The following RNF139 variants were observed in gnomAD, a reference collection of about 807,000 sequenced individuals.
RNF139 encodes E3 ubiquitin-protein ligase RNF139.
In RNF139, 15 loss-of-function variants were observed where a neutral mutation model predicts 49.5. The ratio of observed to expected loss-of-function variants is 0.30; its 90% CI spans 0.20 to 0.47. The LOEUF (loss-of-function observed/expected upper bound fraction) is 0.47, where lower values mean the gene tolerates loss of function less well. RNF139 is among the 20% of genes least tolerant of loss of function. The pLI is 1.00. For missense variants in RNF139, 619 were observed against 806.3 expected, an observed-to-expected ratio of 0.77 and a Z score of 2.81; for synonymous variants, 325 against 300.9, an observed-to-expected ratio of 1.08 and a Z score of -0.83.
At chr8:124,485,556 G>A (rs1211747814) in intron 1 of RNF139, among the ~76,000 whole-genome samples, 1 of 151,980 alleles carries the variant, frequency 6.6e-6, no homozygotes, top group East Asian at 1.9e-4. Context: ...TAGTAATTTG[G>A]TGCCTTGGAC....
Position 124,487,437 on chromosome 8 carries a change from G to C in RNF139, c.1788G>C (p.Lys596Asn), listed in dbSNP as rs139815535. 45 of 1,613,886 alleles carry C rather than the reference G, an allele frequency of 2.8e-5. No individual in the cohort carries two copies. Among genetic ancestry groups the C allele is most frequent in the Non-Finnish European group, 3.7e-5 (44 of 1,179,956 alleles). ...HQKVYIEDDI[K>N]DNSNVSNNNG... ...AAGTATACATCGAAGATGATATCAA[G>C]GATAATTCAAATGTATCTAACAACA... Residue 596 changes from lysine (K) to asparagine (N), a missense_variant, in exon 2 of 2, where the codon AAG (lysine) becomes AAC (asparagine). Physicochemically the swap from Lys to Asn is moderately conservative, Grantham distance 94. Coordinates refer to ENST00000303545, the MANE Select transcript of RNF139 (RefSeq NM_007218.4).
At position 124,487,002 on chromosome 8, in the gene RNF139, T is replaced by C; in HGVS notation, c.1353T>C (p.Asn451=). 1 of 1,614,118 alleles carries C rather than the reference T, an allele frequency of 6.2e-7. No individual in the cohort carries two copies. Among genetic ancestry groups the C allele is most frequent in the South Asian group, 1.1e-5 (1 of 91,086 alleles). ...TATTCATGATTGATGGCTACTATAATGTCCTCTGGGAAAAGCTTGACGATT... is the reference window on the plus strand; with the variant it reads ...TATTCATGATTGATGGCTACTATAACGTCCTCTGGGAAAAGCTTGACGATT... ...YTLFMIDGYY[N]VLWEKLDDYV... The change falls in exon 2 of 2, where the codon AAT becomes AAC. Residue 451 remains asparagine, a synonymous_variant. Transcript: ENST00000303545.
chr8:124,483,100 T>G (rs1244782410), intron 1 of RNF139, among the ~76,000 whole-genome samples: 3 of 6,348 alleles, frequency 4.7e-4, no homozygotes, highest in Non-Finnish European at 6.8e-4. Context: ...TATTTAAAAA[T>G]ATATATATTA....
At chr8:124,479,414 A>G (rs1438099600) in intron 1 of RNF139, among the ~76,000 whole-genome samples, 3 of 152,234 alleles carry the variant, frequency 2.0e-5, no homozygotes, top group Non-Finnish European at 4.4e-5. Flanking sequence ...TTCTTGAAAG[A>G]AATGAGATAG....
chr8:124,485,713 A>C lies in RNF139; in HGVS notation c.182-118A>C, dbSNP rs1042383886. 4 of 896,034 alleles carry C rather than the reference A, an allele frequency of 4.5e-6. No homozygotes were observed. In the African/African-American group the frequency reaches 5.1e-5, roughly 11 times the overall value. 55.5% of individuals were successfully genotyped at this position (896,034 alleles called of 1,614,324 possible). On this transcript the variant is annotated intron_variant, in intron 1 of 1. Transcript: ENST00000303545. ...TTAAGCCTTAGTTGTCTTGAGGCTT[A>C]ATGTTCATAACTGAAAATATTCATA... is the stretch of plus-strand genomic sequence containing the variant.
intron 1 of RNF139, among the ~76,000 whole-genome samples, chr8:124,482,977 A>AAAATATATATATTAAAAAT (rs1563631104): frequency 2.2e-5 from 2 of 91,474 alleles, no homozygotes; most frequent in East Asian, 3.8e-4. Flanking sequence ...ATATTATTTA[A>AAAATATATATATTAAAAAT]ATATATATAT....
Position 124,486,368 on chromosome 8 carries a change from T to C in RNF139, c.719T>C (p.Val240Ala), listed in dbSNP as rs753429666. The C allele has an allele frequency of 1.2e-6, 2 of 1,613,898 alleles. No homozygotes were observed. The highest frequency in any genetic ancestry group is 3.3e-5 in the Admixed American group (2 of 59,986). Residue 240 changes from valine to alanine, a missense_variant, in exon 2 of 2, where the codon GTC (valine) becomes GCC (alanine). Coordinates refer to ENST00000303545, the MANE Select transcript of RNF139 (RefSeq NM_007218.4). Reference protein sequence around the residue: ...KRIRFPDILRVFWLTRVTAQA... With the variant: ...KRIRFPDILRAFWLTRVTAQA... Reference sequence around the variant, plus strand: ...ATTCGTTTCCCAGACATACTACGAGTCTTTTGGCTAACAAGAGTTACAGCT... The same window carrying C: ...ATTCGTTTCCCAGACATACTACGAGCCTTTTGGCTAACAAGAGTTACAGCT...
intron 1 of RNF139, among the ~76,000 whole-genome samples, chr8:124,477,404 GT>G (rs1237321291): frequency 1.1e-4 from 16 of 152,170 alleles, no homozygotes; most frequent in African/African-American, 2.9e-4. Flanking sequence ...TGCCTTGTTA[GT>G]TTTTTTGTAG....
Position 124,487,438 on chromosome 8 carries a change from G to A in RNF139, c.1789G>A (p.Asp597Asn), listed in dbSNP as rs1035814003. ...QKVYIEDDIK[D>N]NSNVSNNNGF... The stretch of plus-strand genomic sequence containing the variant: ...AGTATACATCGAAGATGATATCAAG[G>A]ATAATTCAAATGTATCTAACAACAA... Residue 597 changes from aspartate (D) to asparagine (N), a missense_variant, in exon 2 of 2, where the codon GAT (aspartate) becomes AAT (asparagine). Asp to Asn is a conservative substitution (Grantham distance 23, BLOSUM62 1). Around this residue, in one of 2 missense-constraint regions of RNF139, gnomAD observed 530 missense variants for 728.9 expected, o/e 0.73. Coordinates refer to ENST00000303545, the MANE Select transcript of RNF139 (RefSeq NM_007218.4). The A allele has an allele frequency of 1.2e-5, 20 of 1,614,030 alleles. No individual in the cohort carries two copies. The highest frequency in any genetic ancestry group is 1.6e-4 in the Middle Eastern group (1 of 6,062).
Position 124,483,110 on chromosome 8 carries a change from A to ATATATTTATATATATATTTTT in RNF139, c.182-2721_182-2720insTATATTTATATATATATTTTT. ...ATATATATTTAAAAATATATATATT[A>ATATATTTATATATATATTTTT]AAAATATATATATTTAAAAGAGCCT... On this transcript the variant is annotated intron_variant, in intron 1 of 1. Transcript: ENST00000303545. Among the ~76,000 whole-genome samples the ATATATTTATATATATATTTTT allele has an allele frequency of 1.2e-4, 8 of 69,082 alleles. 3 individuals carry two copies. Among genetic ancestry groups the ATATATTTATATATATATTTTT allele is most frequent in the Non-Finnish European group, 2.0e-4 (8 of 39,476 alleles). The allele number at this position is 69,082 out of a possible 152,430, so 45.3% of individuals were successfully genotyped here. A position where few individuals can be genotyped will look rare whatever the true frequency, so the allele number is the denominator to read the frequency against.
intron 1 of RNF139, among the ~76,000 whole-genome samples, chr8:124,483,128 A>ATAATATATAATTTAAT (rs1586524826): frequency 9.7e-6 from 1 of 103,544 alleles, no homozygotes; most frequent in Non-Finnish European, 1.9e-5. Flanking sequence ...ATATATTTAA[A>ATAATATATAATTTAAT]AGAGCCTGTT....
chr8:124,482,979 TATATATATATTTA>T (rs1477624609), intron 1 of RNF139, among the ~76,000 whole-genome samples: 1 of 99,366 alleles, frequency 1.0e-5, no homozygotes, highest in Non-Finnish European at 1.9e-5. Flanking sequence ...ATTATTTAAA[TATATATATATTTA>T]AAAATATATA....
At chr8:124,481,937 T>A (rs1816418985) in intron 1 of RNF139, among the ~76,000 whole-genome samples, 1 of 152,142 alleles carries the variant, frequency 6.6e-6, no homozygotes, top group Non-Finnish European at 1.5e-5. Context: ...TGAGAGCAGA[T>A]TCTTCCCAAA....
chr8:124,476,234 T>C (rs1318948710), intron 1 of RNF139, among the ~76,000 whole-genome samples: 6 of 152,192 alleles, frequency 3.9e-5, no homozygotes, highest in Non-Finnish European at 8.8e-5. Flanking sequence ...AAAAGAGGAG[T>C]GGCAATAAAG....
chr8:124,487,774 T>C lies in RNF139; in HGVS notation c.*130T>C. ...TATCAATGTTGAATCTGTGAATGGT[T>C]TTCCGTTTACTGTGATGTGCTACTG... On this transcript the variant is annotated 3_prime_UTR_variant, in exon 2 of 2. Coordinates refer to ENST00000303545, the MANE Select transcript of RNF139 (RefSeq NM_007218.4). The C allele has an allele frequency of 2.2e-6, 2 of 893,340 alleles. No homozygotes were observed. The allele number at this position is 893,340 out of a possible 1,614,324, so 55.3% of individuals were successfully genotyped here.
rs771599447 is a variant in RNF139, at chr8:124,487,141, T to C, written c.1492T>C (p.Phe498Leu). The part of the protein sequence containing the change: ...MFESGSKIRA[F>L]MMCLHAYFNI... ...TGAGTCGGGAAGTAAAATTCGGGCT[T>C]TTATGATGTGCCTACATGCATATTT... The change falls in exon 2 of 2, where the codon TTT (phenylalanine) becomes CTT (leucine). Residue 498 changes from phenylalanine to leucine, a missense_variant. Phe to Leu is a conservative substitution (Grantham distance 22). This residue lies in a region of RNF139 where 530 missense variants were observed against 728.9 expected (regional missense o/e 0.73). Coordinates refer to ENST00000303545, the MANE Select transcript of RNF139 (RefSeq NM_007218.4). 1.9e-6 allele frequency: 3 copies of C among 1,613,956 alleles called. No homozygotes were observed. Among genetic ancestry groups the C allele is most frequent in the Non-Finnish European group, 2.5e-6 (3 of 1,180,016 alleles).
chr8:124,482,948 A>G (rs1480274741), intron 1 of RNF139, among the ~76,000 whole-genome samples: 1 of 101,902 alleles, frequency 9.8e-6, no homozygotes, highest in East Asian at 2.5e-4. Context: ...AAAAAAATAT[A>G]TATATATATA....
intron 1 of RNF139, among the ~76,000 whole-genome samples, chr8:124,482,218 G>C (rs1367019876): frequency 6.6e-6 from 1 of 151,976 alleles, no homozygotes; most frequent in Admixed American, 6.6e-5. Context: ...AAAGCAAAAT[G>C]GCACTTTTTC....
At chr8:124,481,131 C>A (rs1816400613) in intron 1 of RNF139, among the ~76,000 whole-genome samples, 2 of 151,866 alleles carry the variant, frequency 1.3e-5, no homozygotes, top group African/African-American at 2.4e-5. Context: ...AAATGAGAAT[C>A]CAATAGAAAT....
Sources: gnomAD v4.1 joint callset for allele counts (sites outside exome capture counted in the v4.1 genomes callset) on GRCh38, gnomAD v4.1.1 for gene constraint, gnomAD v4.1.1 regional missense constraint, MANE v1.5 for transcripts, NCBI Gene and HGNC (gene_info 2026-07-23, HGNC 2026-07-21) for gene names.